SLC34A3: variants seen among roughly 807,000 people sequenced by gnomAD.
SLC34A3 encodes sodium-dependent phosphate transport protein 2C.
Under a neutral mutation model 43.9 loss-of-function variants are expected in SLC34A3, and 60 were observed. The ratio of observed to expected loss-of-function variants is 1.37; its 90% CI spans 1.11 to 1.70. SLC34A3 has a LOEUF of 1.70. SLC34A3 is among the 40% of genes most tolerant of loss of function. The pLI is 0.00. For missense variants in SLC34A3, 969 were observed against 823.8 expected, an observed-to-expected ratio of 1.18 and a Z score of -2.16; for synonymous variants, 451 against 386.2, an observed-to-expected ratio of 1.17 and a Z score of -1.97.
chr9:137,231,726 C>T lies in SLC34A3; in HGVS notation c.24C>T (p.Ser8=). 6.2e-7 allele frequency: 1 copy of T among 1,613,124 alleles called. No individual in the cohort carries two copies. The highest frequency in any genetic ancestry group is 8.5e-7 in the Non-Finnish European group (1 of 1,179,946). Residue 8 remains serine (S), a synonymous_variant, in exon 2 of 13, where the codon AGC becomes AGT. Coordinates refer to ENST00000673835, the MANE Select transcript of SLC34A3 (RefSeq NM_001177316.2). Reference sequence around the variant, plus strand: ...CCATGCCGAGTTCCCTTCCCGGCAGCCAGGTCCCCCACCCCACTCTGGACG... The same window carrying T: ...CCATGCCGAGTTCCCTTCCCGGCAGTCAGGTCCCCCACCCCACTCTGGACG... The part of the protein sequence containing the change: MPSSLPG[S]QVPHPTLDAV...
Position 137,232,582 on chromosome 9 carries a change from C to G in SLC34A3, c.183C>G (p.Arg61=), listed in dbSNP as rs766590721. The G allele has an allele frequency of 6.2e-7, 1 of 1,608,954 alleles. No homozygotes were observed. Among genetic ancestry groups the G allele is most frequent in the Admixed American group, 1.7e-5 (1 of 59,828 alleles). Reference sequence around the variant, plus strand: ...CCTGCCCTGTGTCCTCAGAGCTCCGCGTGGCCGGCAGGCTGCGCCGCGTGG... The same window carrying G: ...CCTGCCCTGTGTCCTCAGAGCTCCGGGTGGCCGGCAGGCTGCGCCGCGTGG... The part of the protein sequence containing the change: ...KDTSQPWKEL[R]VAGRLRRVAG... The change falls in exon 4 of 13, where the codon CGC becomes CGG. Residue 61 remains arginine (R), a synonymous_variant. Coordinates refer to ENST00000673835, the MANE Select transcript of SLC34A3 (RefSeq NM_001177316.2).
chr9:137,233,431 G>A, intron 7 of SLC34A3, 27 bp downstream of exon 7: 3 of 1,591,834 alleles, frequency 1.9e-6, no homozygotes, highest in Non-Finnish European at 2.6e-6. Context: ...CCCCCGCCCA[G>A]AGAGCCTGAG....
chr9:137,235,967 T>C lies in SLC34A3; in HGVS notation c.1351T>C (p.Phe451Leu). ...LSALQVALIH[F>L]FFNLAGILLW... ...TCGCCCCCAGGTCGCCCTCATCCAC[T>C]TCTTCTTCAACCTGGCCGGCATCCT... Residue 451 changes from phenylalanine to leucine, a missense_variant, in exon 13 of 13, where the codon TTC becomes CTC. Phe to Leu is a conservative substitution (Grantham distance 22). Coordinates refer to ENST00000673835, the MANE Select transcript of SLC34A3 (RefSeq NM_001177316.2). 5.0e-6 allele frequency: 8 copies of C among 1,612,050 alleles called. No individual in the cohort carries two copies. The highest frequency in any genetic ancestry group is 2.2e-5 in the South Asian group (2 of 91,048).
At position 137,236,237 on chromosome 9, in the gene SLC34A3, T is replaced by C; in HGVS notation, c.1621T>C (p.Trp541Arg). The change falls in exon 13 of 13, where the codon TGG becomes CGG. Residue 541 changes from tryptophan (W) to arginine (R), a missense_variant. Trp to Arg is a moderately radical substitution (Grantham distance 101, BLOSUM62 -3). Coordinates refer to ENST00000673835, the MANE Select transcript of SLC34A3 (RefSeq NM_001177316.2). ...VTVLQRRRPA[W>R]LPVRLRSWAW... ...TGTCCTGCAGCGGCGCCGGCCGGCC[T>C]GGCTGCCTGTCCGCCTGCGCTCCTG... The C allele has an allele frequency of 6.4e-7, 1 of 1,554,668 alleles. No homozygotes were observed.
Position 137,234,374 on chromosome 9 carries a change from C to T in SLC34A3, c.1094-42C>T. ...GCTGACTCGGGGGCTACCTGGCCCT[C>T]CTTGTGGGCGCTGGCCAGGGCTGAC... On this transcript the variant is annotated intron_variant, in intron 10 of 12. Coordinates refer to ENST00000673835, the MANE Select transcript of SLC34A3 (RefSeq NM_001177316.2). This position sits in a 1 kb window ranked among gnomAD's most constrained non-coding sequence, Gnocchi z 6.9. 6.3e-7 allele frequency: 1 copy of T among 1,594,994 alleles called. No homozygotes were observed. Among genetic ancestry groups the T allele is most frequent in the Non-Finnish European group, 8.5e-7 (1 of 1,176,840 alleles).
At chr9:137,230,221 G>A (rs190005362), upstream of SLC34A3, among the ~76,000 whole-genome samples, 1,415 of 152,242 alleles carry the variant, frequency 9.3e-3, 26 homozygotes, top group African/African-American at 0.033. Flanking sequence ...GGAGAACTGT[G>A]CGCTGGGCCA....
Position 137,233,837 on chromosome 9 carries a change from T to C in SLC34A3, c.847-26T>C, listed in dbSNP as rs762606694. The C allele has an allele frequency of 3.8e-5, 55 of 1,444,020 alleles. No homozygotes were observed. In the Middle Eastern group the frequency reaches 3.5e-3, roughly 91 times the overall value. 89.5% of individuals were successfully genotyped at this position (1,444,020 alleles called of 1,614,324 possible). ...GACCTCTGTCTGCCCACTGAGCCTG[T>C]CCTGAGTCCTCCCTGCCCTCCCCAG... On this transcript the variant is annotated intron_variant, in intron 8 of 12. Coordinates refer to ENST00000673835, the MANE Select transcript of SLC34A3 (RefSeq NM_001177316.2).
At chr9:137,235,784 T>G (rs532335247) in intron 12 of SLC34A3, among the ~76,000 whole-genome samples, 168 bp from the exon 13 acceptor site, 1 of 152,158 alleles carries the variant, frequency 6.6e-6, no homozygotes, top group Non-Finnish European at 1.5e-5. Context: ...CTGGGGAACA[T>G]GTCCACATCT....
Position 137,236,369 on chromosome 9 carries a change from G to T in SLC34A3, c.1753G>T (p.Ala585Ser). ...CCCCCCGAAGGCCACCACCAAAGAG[G>T]CCTACTGCTACGAGAACCCTGAGAT... is the stretch of plus-strand genomic sequence containing the variant. ...CSPPKATTKE[A>S]YCYENPEILA... Residue 585 changes from alanine to serine, a missense_variant, in exon 13 of 13, where the codon GCC becomes TCC. By Grantham distance (99) the Ala-to-Ser change is moderately conservative (BLOSUM62 1). Coordinates refer to ENST00000673835, the MANE Select transcript of SLC34A3 (RefSeq NM_001177316.2). 6.5e-7 allele frequency: 1 copy of T among 1,539,794 alleles called. No individual in the cohort carries two copies.
rs757676550 is a variant in SLC34A3, at chr9:137,231,664, A to T, written c.-39A>T. 3.9e-6 allele frequency: 6 copies of T among 1,542,932 alleles called. No homozygotes were observed. The highest frequency in any genetic ancestry group is 5.4e-6 in the Non-Finnish European group (6 of 1,117,026). On this transcript the variant is annotated splice_region_variant and 5_prime_UTR_variant, in exon 2 of 13. Coordinates refer to ENST00000673835, the MANE Select transcript of SLC34A3 (RefSeq NM_001177316.2). ...CTGACACGCGCGTCCCCCCCAGCAG[A>T]TCTAGACCTGGGCCTGGGTCTGTCC...
rs372959113 is a variant in SLC34A3 at position 137,234,736 on chromosome 9, T to C, written c.1335+5T>C. Reference sequence around the variant, plus strand: ...AGGATGCTCAGCGCCCTGCAGGTACTGTCCACCCTGCCCCGCTGCCAGAAC... The same window carrying C: ...AGGATGCTCAGCGCCCTGCAGGTACCGTCCACCCTGCCCCGCTGCCAGAAC... On this transcript the variant is annotated splice_donor_5th_base_variant and intron_variant, in intron 12 of 12. Coordinates refer to ENST00000673835, the MANE Select transcript of SLC34A3 (RefSeq NM_001177316.2). The surrounding 1 kb of genome is among the most constrained non-coding windows in gnomAD (Gnocchi z 6.9). 1.4e-5 allele frequency: 23 copies of C among 1,607,520 alleles called. No individual in the cohort carries two copies. Among genetic ancestry groups the C allele is most frequent in the South Asian group, 7.7e-5 (7 of 91,082 alleles).
intron 7 of SLC34A3, 65 bp downstream of exon 7, chr9:137,233,469 G>A (rs912623499): frequency 2.5e-6 from 4 of 1,585,122 alleles, no homozygotes; most frequent in African/African-American, 2.7e-5. Context: ...GGGGAGGCCC[G>A]CCCTGCCCTG....
chr9:137,236,553 G>A lies in SLC34A3; in HGVS notation c.*137G>A, dbSNP rs1367583226. On this transcript the variant is annotated 3_prime_UTR_variant, in exon 13 of 13. Transcript: ENST00000673835. The stretch of plus-strand genomic sequence containing the variant: ...GTGCAAATAAACCAGGCTGTTATCT[G>A]GGGTGGCGGTCCTCACTCCCCTAGA... The A allele has an allele frequency of 3.7e-6, 3 of 812,442 alleles. No individual in the cohort carries two copies. Among genetic ancestry groups the A allele is most frequent in the African/African-American group, 3.4e-5 (2 of 58,676 alleles). The allele number at this position is 812,442 out of a possible 1,614,324, so 50.3% of individuals were successfully genotyped here.
chr9:137,235,333 C>T (rs530508893), intron 12 of SLC34A3, among the ~76,000 whole-genome samples: 2 of 152,296 alleles, frequency 1.3e-5, no homozygotes, highest in South Asian at 4.1e-4. Context: ...AGGTTCAGCT[C>T]CCGAAACTCC....
At chr9:137,233,159 C>G (rs2131408562) in intron 6 of SLC34A3, 44 bp downstream of exon 6, 1 of 1,549,296 alleles carries the variant, frequency 6.5e-7, no homozygotes, top group Non-Finnish European at 8.7e-7. Context: ...GCAGTGGCAG[C>G]CCCAGCCCGG....
In SLC34A3 at chr9:137,236,322, G is replaced by A. The variant is rs1836594848; in HGVS notation, c.1706G>A (p.Cys569Tyr). The A allele has an allele frequency of 1.3e-6, 2 of 1,542,498 alleles. No individual in the cohort carries two copies. Among genetic ancestry groups the A allele is most frequent in the South Asian group, 1.2e-5 (1 of 84,086 alleles). The part of the protein sequence containing the change: ...LEPWDRLVTR[C>Y]CPCNVCSPPK... ...CCCTGGGACCGCCTGGTGACCCGCT[G>A]CTGCCCCTGCAACGTCTGCAGCCCC... The change falls in exon 13 of 13, where the codon TGC becomes TAC. Residue 569 changes from cysteine to tyrosine, a missense_variant. Transcript: ENST00000673835.
Position 137,234,745 on chromosome 9 carries a change from T to C in SLC34A3, c.1335+14T>C. The C allele has an allele frequency of 6.2e-7, 1 of 1,605,512 alleles. No homozygotes were observed. Among genetic ancestry groups the C allele is most frequent in the Non-Finnish European group, 8.5e-7 (1 of 1,179,744 alleles). Reference sequence around the variant, plus strand: ...AGCGCCCTGCAGGTACTGTCCACCCTGCCCCGCTGCCAGAACTGGCCAGCT... The same window carrying C: ...AGCGCCCTGCAGGTACTGTCCACCCCGCCCCGCTGCCAGAACTGGCCAGCT... On this transcript the variant is annotated intron_variant, in intron 12 of 12. Transcript: ENST00000673835. This position sits in a 1 kb window ranked among gnomAD's most constrained non-coding sequence, Gnocchi z 6.9.
intron 9 of SLC34A3, 47 bp downstream of exon 9, chr9:137,233,988 C>A (rs773241274): frequency 6.7e-7 from 1 of 1,492,164 alleles, no homozygotes; most frequent in Admixed American, 2.0e-5. Context: ...CACACTCCCC[C>A]TCACCGGCCC....
intron 1 of SLC34A3, among the ~76,000 whole-genome samples, 183 bp from the exon 2 acceptor site, chr9:137,231,478 TGAG>T (rs1836208727): frequency 6.6e-6 from 1 of 151,938 alleles, no homozygotes; most frequent in Non-Finnish European, 1.5e-5. Flanking sequence ...GACAACTGCC[TGAG>T]GTCATTGTAG....
Sources: allele counts gnomAD v4.1 joint callset (sites outside exome capture counted in the v4.1 genomes callset), GRCh38; gene constraint gnomAD v4.1.1; non-coding constraint Gnocchi (gnomAD v3.1); transcripts MANE v1.5; gene names NCBI Gene and HGNC (gene_info 2026-07-23, HGNC 2026-07-21).